KDM4C: variants seen among roughly 807,000 people sequenced by gnomAD.
KDM4C encodes lysine demethylase 4C.
In KDM4C, 81 loss-of-function variants were observed where a neutral mutation model predicts 129.3. The ratio of observed to expected loss-of-function variants is 0.63; its 90% CI spans 0.52 to 0.75. KDM4C has a LOEUF of 0.75. Ranked by LOEUF, KDM4C falls within the 30% of genes least tolerant of loss-of-function variation. The pLI, the probability that KDM4C is intolerant of heterozygous loss-of-function variation, is 0.00. For missense variants in KDM4C, 1,457 were observed against 1,304.0 expected (o/e 1.12, Z -1.81); for synonymous variants, 573 against 456.1 (o/e 1.26, Z -3.26).
intron 17 of KDM4C, among the ~76,000 whole-genome samples, chr9:7,080,709 C>T (rs879858488): frequency 6.6e-6 from 1 of 152,134 alleles, no homozygotes; most frequent in Non-Finnish European, 1.5e-5. Context: ...AATTTAAGCG[C>T]ACATATAATT....
chr9:7,041,067 C>G (rs1349361456), intron 15 of KDM4C, among the ~76,000 whole-genome samples: 1 of 148,670 alleles, frequency 6.7e-6, no homozygotes, highest in Non-Finnish European at 1.5e-5. Flanking sequence ...TTAAAATTCT[C>G]TTTTTGTCTT....
At chr9:6,834,685 C>T (rs1469799352) in intron 4 of KDM4C, 2 of 837,800 alleles carry the variant, frequency 2.4e-6, no homozygotes, top group Admixed American at 1.7e-5. Flanking sequence ...GCATCATTAC[C>T]AACTGGGACA....
chr9:6,963,678 A>G (rs1041587553), intron 8 of KDM4C, among the ~76,000 whole-genome samples: 7 of 152,226 alleles, frequency 4.6e-5, no homozygotes, highest in African/African-American at 1.7e-4. Context: ...GTTTAAATTT[A>G]TGAGATCCAT....
chr9:6,774,074 G>C (rs1822486206), intron 1 of KDM4C, among the ~76,000 whole-genome samples: 1 of 152,004 alleles, frequency 6.6e-6, no homozygotes, highest in African/African-American at 2.4e-5. Flanking sequence ...TTTTAGTAGA[G>C]ACGGGGTTTC....
chr9:6,929,128 A>G (rs1475527389), intron 8 of KDM4C, among the ~76,000 whole-genome samples: 1 of 152,226 alleles, frequency 6.6e-6, no homozygotes, highest in Non-Finnish European at 1.5e-5. Flanking sequence ...ACCCTCAGCT[A>G]GAAGTAATCT....
At position 6,927,590 on chromosome 9, in the gene KDM4C, T is replaced by G. The variant is rs187104523; in HGVS notation, c.921+34358T>G. 8.5e-5 allele frequency among the ~76,000 whole-genome samples: 13 copies of G among 152,328 alleles called. No homozygotes were observed. In the East Asian group the frequency reaches 2.5e-3, roughly 29 times the overall value. ...CTCCCCAAAAGAAGACCCTTTCCTT[T>G]GAGGAGATCATCCCTCATCTACGTA... On this transcript the variant is annotated intron_variant, in intron 8 of 21. Coordinates refer to ENST00000381309, the MANE Select transcript of KDM4C (RefSeq NM_015061.6).
chr9:6,936,539 A>C (rs755061846), intron 8 of KDM4C, among the ~76,000 whole-genome samples: 2 of 152,182 alleles, frequency 1.3e-5, no homozygotes, highest in African/African-American at 4.8e-5. Flanking sequence ...TTTTAAGATA[A>C]AGTGAAAATT....
intron 17 of KDM4C, among the ~76,000 whole-genome samples, chr9:7,057,807 C>T (rs1363947046): frequency 6.6e-6 from 1 of 152,212 alleles, no homozygotes; most frequent in African/African-American, 2.4e-5. Context: ...GAGATTCCAC[C>T]AACTTCCCCT....
At chr9:6,769,013 T>C (rs56091147) in intron 1 of KDM4C, among the ~76,000 whole-genome samples, 1 of 152,018 alleles carries the variant, frequency 6.6e-6, no homozygotes, top group African/African-American at 2.4e-5. Flanking sequence ...CCTCAAATGA[T>C]CCACCCACCT....
At chr9:6,980,258 C>A (rs980476063) in intron 8 of KDM4C, among the ~76,000 whole-genome samples, 2 of 152,146 alleles carry the variant, frequency 1.3e-5, no homozygotes, top group Non-Finnish European at 2.9e-5. Context: ...TGACTGATAA[C>A]TATGTATTCA....
intron 17 of KDM4C, among the ~76,000 whole-genome samples, chr9:7,099,692 T>C (rs1454298260): frequency 3.9e-5 from 6 of 152,206 alleles, no homozygotes; most frequent in East Asian, 1.9e-4. Flanking sequence ...GCAAATTCAG[T>C]GGCCCCGCCA....
intron 1 of KDM4C, among the ~76,000 whole-genome samples, chr9:6,732,019 T>C (rs111347887): frequency 0.015 from 2,220 of 152,138 alleles, 53 homozygotes; most frequent in African/African-American, 0.05. Context: ...GTTTGGAGTA[T>C]GTTCCTTACC....
intron 4 of KDM4C, among the ~76,000 whole-genome samples, chr9:6,832,495 A>T (rs1393357984): frequency 3.9e-5 from 5 of 128,858 alleles, no homozygotes; most frequent in Admixed American, 8.5e-5. Flanking sequence ...GTGCAATCTC[A>T]GCTCACTGCA....
intron 8 of KDM4C, chr9:6,893,634 A>C (rs1178075760): frequency 6.5e-6 from 1 of 153,794 alleles, no homozygotes; most frequent in Non-Finnish European, 1.4e-5. Context: ...GTGTCTGATA[A>C]AATTGTAGCA....
chr9:6,857,537 C>G (rs1488618040), intron 5 of KDM4C, among the ~76,000 whole-genome samples: 1 of 152,128 alleles, frequency 6.6e-6, no homozygotes, highest in Non-Finnish European at 1.5e-5. Flanking sequence ...ACAGAATTCC[C>G]TAAAGGAACC....
At chr9:6,726,131 C>G (rs1165447159) in intron 1 of KDM4C, among the ~76,000 whole-genome samples, 1 of 151,788 alleles carries the variant, frequency 6.6e-6, no homozygotes, top group Non-Finnish European at 1.5e-5. Flanking sequence ...GTTTCGCCGT[C>G]GCGGCCAGAC....
intron 15 of KDM4C, among the ~76,000 whole-genome samples, chr9:7,028,136 C>G (rs988044987): frequency 4.6e-5 from 7 of 152,076 alleles, no homozygotes; most frequent in African/African-American, 1.4e-4. Context: ...ACTTTCCCCC[C>G]TACTTTTCTT....
chr9:6,789,939 C>T (rs1257731724), intron 1 of KDM4C, among the ~76,000 whole-genome samples: 1 of 151,764 alleles, frequency 6.6e-6, no homozygotes, highest in Non-Finnish European at 1.5e-5. Flanking sequence ...TTTTATGTAT[C>T]TCCTACTTCC....
intron 1 of KDM4C, among the ~76,000 whole-genome samples, chr9:6,762,604 A>T (rs1215712971): frequency 1.3e-5 from 2 of 148,274 alleles, no homozygotes; most frequent in Non-Finnish European, 3.0e-5. Flanking sequence ...AATACAATAT[A>T]TATTAGGTCA....
Sources: gnomAD v4.1 joint callset for allele counts (sites outside exome capture counted in the v4.1 genomes callset) on GRCh38, gnomAD v4.1.1 for gene constraint, MANE v1.5 for transcripts, NCBI Gene and HGNC (gene_info 2026-07-23, HGNC 2026-07-21) for gene names.